The following NAV2 variants were observed in gnomAD, a reference collection of about 807,000 sequenced individuals.
The protein encoded by NAV2 is helicase, APC down-regulated 1.
NAV2 carries 54 observed loss-of-function variants against 223.2 expected under a neutral mutation model. The ratio of observed to expected loss-of-function variants is 0.24; its 90% CI spans 0.19 to 0.30. The LOEUF (loss-of-function observed/expected upper bound fraction) is 0.30, where lower values mean the gene tolerates loss of function less well. Among genes scored for constraint, NAV2 ranks in the 10% least tolerant of loss-of-function variants. The probability of loss-of-function intolerance (pLI) is 1.00; values close to 1 mark genes in which losing one functional copy is unlikely to be tolerated. For synonymous variants in NAV2, 1,279 were observed against 1,239.3 expected (o/e 1.03, Z -0.67); for missense variants, 2,806 against 3,147.5 (o/e 0.89, Z 2.60).
intron 11 of NAV2, chr11:20,023,004 C>T (rs967883051): frequency 1.3e-6 from 2 of 1,499,404 alleles, no homozygotes; most frequent in African/African-American, 2.8e-5. Flanking sequence ...CTGGGATTCC[C>T]TGGCCCAGTG....
At chr11:20,007,756 G>T (rs925013877) in intron 11 of NAV2, among the ~76,000 whole-genome samples, 1 of 152,134 alleles carries the variant, frequency 6.6e-6, no homozygotes, top group Non-Finnish European at 1.5e-5. Context: ...TGCAATGGGA[G>T]AATGGAGTGG....
At chr11:19,787,186 G>A (rs989063974) in intron 1 of NAV2, among the ~76,000 whole-genome samples, 2 of 151,168 alleles carry the variant, frequency 1.3e-5, no homozygotes, top group East Asian at 1.9e-4. Context: ...AAACTCCTGC[G>A]CTCAGGGGAT....
At chr11:19,791,388 A>G (rs1443663920) in intron 1 of NAV2, among the ~76,000 whole-genome samples, 2 of 152,158 alleles carry the variant, frequency 1.3e-5, no homozygotes, top group African/African-American at 4.8e-5. Flanking sequence ...GGGCCTCTGA[A>G]CACGTCAAGC....
chr11:19,966,024 C>T (rs546718300), intron 10 of NAV2, among the ~76,000 whole-genome samples: 2 of 152,342 alleles, frequency 1.3e-5, no homozygotes, highest in African/African-American at 4.8e-5. Flanking sequence ...AAACTTCTTA[C>T]ATGGAGCTCA....
chr11:20,029,437 C>G (rs2055473094), intron 11 of NAV2, among the ~76,000 whole-genome samples: 1 of 152,214 alleles, frequency 6.6e-6, no homozygotes, highest in Admixed American at 6.5e-5. Context: ...TGTGCTCCAA[C>G]TTGGCTGGTG....
chr11:19,677,213 C>G (rs1410579114), intron 1 of NAV2, among the ~76,000 whole-genome samples: 1 of 152,258 alleles, frequency 6.6e-6, no homozygotes, highest in Non-Finnish European at 1.5e-5. Flanking sequence ...CTGGCGTAAT[C>G]CAACCTGGAT....
rs138694719 is a variant in NAV2 at position 19,514,545 on chromosome 11, C to T, written c.75+163518C>T. 5.1e-3 allele frequency among the ~76,000 whole-genome samples: 771 copies of T among 152,324 alleles called. 5 individuals carry two copies. The highest frequency in any genetic ancestry group is 8.3e-3 in the South Asian group (40 of 4,824). On this transcript the variant is annotated intron_variant, in intron 1 of 37. Transcript: ENST00000360655. ...TTTCTCCGCATCTCAGAGAGACCAACTCACTAACTGTTTTTATCCCTGACA... is the reference window on the plus strand; with the variant it reads ...TTTCTCCGCATCTCAGAGAGACCAATTCACTAACTGTTTTTATCCCTGACA...
intron 1 of NAV2, among the ~76,000 whole-genome samples, chr11:19,609,155 C>G (rs182210869): frequency 1.3e-5 from 2 of 152,334 alleles, no homozygotes; most frequent in Admixed American, 6.5e-5. Flanking sequence ...GCAGACATCT[C>G]TAGATGGCAC....
intron 5 of NAV2, among the ~76,000 whole-genome samples, chr11:19,886,069 A>T (rs2625304): frequency 2.6e-5 from 4 of 151,910 alleles, no homozygotes; most frequent in Admixed American, 2.6e-4. Flanking sequence ...TGGCTCCCTG[A>T]GGCCTTGATT....
chr11:19,519,089 C>T lies in NAV2; in HGVS notation c.75+168062C>T, dbSNP rs898669297. On this transcript the variant is annotated intron_variant, in intron 1 of 37. Coordinates refer to the NAV2 transcript ENST00000360655. ...AAAATAAATATCTGTTGTTTATAAG[C>T]CACCCAGTCTATGGTATTTTGTTAT... Among the ~76,000 whole-genome samples the T allele has an allele frequency of 1.4e-4, 22 of 152,274 alleles. No individual in the cohort carries two copies. In the East Asian group the frequency reaches 3.5e-3, roughly 24 times the overall value.
intron 1 of NAV2, among the ~76,000 whole-genome samples, chr11:19,564,714 T>TGCCCACCGTGTGCTATTCTGTACC (rs2045214380): frequency 6.6e-6 from 1 of 152,134 alleles, no homozygotes; most frequent in South Asian, 2.1e-4. Flanking sequence ...GCCGCTTGAG[T>TGCCCACCGTGTGCTATTCTGTACC]GCCCACCGTG....
intron 1 of NAV2, among the ~76,000 whole-genome samples, chr11:19,820,689 G>A (rs2059324137): frequency 6.6e-6 from 1 of 152,166 alleles, no homozygotes; most frequent in Non-Finnish European, 1.5e-5. Flanking sequence ...TAACCTCTTG[G>A]AGCCTGTTTT....
At chr11:19,782,721 T>C (rs1020870663) in intron 1 of NAV2, among the ~76,000 whole-genome samples, 2 of 152,076 alleles carry the variant, frequency 1.3e-5, no homozygotes, top group Non-Finnish European at 2.9e-5. Context: ...GATTCAGAGA[T>C]TGTTACAGAA....
chr11:20,080,231 TG>T (rs746629360), intron 25 of NAV2, 22 bp downstream of exon 25: 13 of 1,608,532 alleles, frequency 8.1e-6, no homozygotes, highest in Non-Finnish European at 6.8e-6. Flanking sequence ...TCCACTCTCC[TG>T]GGGACTGACG....
chr11:19,469,578 C>A lies in NAV2; in HGVS notation c.75+118551C>A, dbSNP rs529837982. Among the ~76,000 whole-genome samples the A allele has an allele frequency of 3.3e-5, 5 of 152,254 alleles. No individual in the cohort carries two copies. The South Asian group carries it at 6.2e-4, about 19-fold the overall frequency. ...CCTGAATATTCTGGCTCTAGCATTC[C>A]ACTGTGGTCTCTCACCTCGCTTTCC... is the stretch of plus-strand genomic sequence containing the variant. On this transcript the variant is annotated intron_variant, in intron 1 of 37. Coordinates refer to the NAV2 transcript ENST00000360655.
intron 1 of NAV2, among the ~76,000 whole-genome samples, chr11:19,809,232 T>C (rs769765811): frequency 1.3e-5 from 2 of 152,218 alleles, no homozygotes; most frequent in Non-Finnish European, 2.9e-5. Context: ...AACTTTATAT[T>C]CACATACCCA....
At chr11:20,001,161 C>T (rs1382917330) in intron 11 of NAV2, among the ~76,000 whole-genome samples, 1 of 152,146 alleles carries the variant, frequency 6.6e-6, no homozygotes, top group African/African-American at 2.4e-5. Flanking sequence ...ACCTCCATGC[C>T]TTTGCCCCCT....
intron 6 of NAV2, among the ~76,000 whole-genome samples, chr11:19,896,999 A>T (rs918704925): frequency 4.6e-5 from 7 of 152,106 alleles, no homozygotes; most frequent in Non-Finnish European, 8.8e-5. Flanking sequence ...TCCAACAATG[A>T]TAGACTGGAT....
rs573898265 is a variant in NAV2, at chr11:19,691,923, C to A, written c.76-140561C>A. Reference sequence around the variant, plus strand: ...ATGCTTGAAGGCCTGTGTGTTCTGCCTTCAATTAGGAGACAGGAGCTGACA... The same window carrying A: ...ATGCTTGAAGGCCTGTGTGTTCTGCATTCAATTAGGAGACAGGAGCTGACA... On this transcript the variant is annotated intron_variant, in intron 1 of 37. Coordinates refer to the NAV2 transcript ENST00000360655. Among the ~76,000 whole-genome samples the A allele has an allele frequency of 1.5e-4, 23 of 152,338 alleles. No individual in the cohort carries two copies. The East Asian group carries it at 2.9e-3, about 19-fold the overall frequency.
Sources: allele counts gnomAD v4.1 joint callset (sites outside exome capture counted in the v4.1 genomes callset), GRCh38; gene constraint gnomAD v4.1.1; transcripts MANE v1.5; gene names NCBI Gene and HGNC (gene_info 2026-07-23, HGNC 2026-07-21).